The following PAPOLG variants were observed in gnomAD, a reference collection of about 807,000 sequenced individuals.
PAPOLG encodes poly(A) polymerase gamma.
A neutral mutation model predicts 99.0 loss-of-function variants in PAPOLG; 40 were observed. The ratio of observed to expected loss-of-function variants is 0.40; its 90% CI spans 0.31 to 0.53. The LOEUF (loss-of-function observed/expected upper bound fraction) is 0.53. PAPOLG is among the 20% of genes least tolerant of loss of function. The pLI is 0.41. For synonymous variants in PAPOLG, 310 were observed against 299.3 expected, an observed-to-expected ratio of 1.04 and a Z score of -0.37; for missense variants, 675 against 884.1, an observed-to-expected ratio of 0.76 and a Z score of 3.00.
At chr2:60,777,779 C>T (rs945127088) in intron 8 of PAPOLG, among the ~76,000 whole-genome samples, 3 of 151,958 alleles carry the variant, frequency 2.0e-5, no homozygotes, top group African/African-American at 7.3e-5. Context: ...AGTAGGGAGA[C>T]CTGAGGAGAG....
chr2:60,769,243 CAAT>C (rs1670775508), intron 5 of PAPOLG, among the ~76,000 whole-genome samples: 1 of 152,114 alleles, frequency 6.6e-6, no homozygotes, highest in African/African-American at 2.4e-5. Flanking sequence ...TAGTAGCCAA[CAAT>C]GATTGATACA....
At chr2:60,781,608 A>G (rs914080498) in intron 10 of PAPOLG, among the ~76,000 whole-genome samples, 1 of 152,192 alleles carries the variant, frequency 6.6e-6, no homozygotes, top group Non-Finnish European at 1.5e-5. Context: ...ATAATACTGT[A>G]TTTCCTTGAT....
chr2:60,777,312 C>T (rs1020583231), intron 8 of PAPOLG, among the ~76,000 whole-genome samples: 12 of 152,024 alleles, frequency 7.9e-5, no homozygotes, highest in Middle Eastern at 3.2e-3. Flanking sequence ...AAAAATTAGC[C>T]GAGTGTGGTG....
At chr2:60,793,897 A>T (rs1671616795) in intron 18 of PAPOLG, 74 bp from the exon 19 acceptor site, 1 of 1,485,984 alleles carries the variant, frequency 6.7e-7, no homozygotes, top group Non-Finnish European at 9.2e-7. Flanking sequence ...GGTGATGGGA[A>T]TGAGAGACCC....
chr2:60,793,926 A>G (rs1671617793), intron 18 of PAPOLG, 45 bp from the exon 19 acceptor site: 3 of 1,570,290 alleles, frequency 1.9e-6, no homozygotes, highest in East Asian at 4.5e-5. Flanking sequence ...GGAAAAAAAA[A>G]TTACATAAAT....
At chr2:60,761,550 C>G (rs1475664733) in intron 2 of PAPOLG, among the ~76,000 whole-genome samples, 191 bp from the exon 3 acceptor site, 1 of 152,122 alleles carries the variant, frequency 6.6e-6, no homozygotes, top group African/African-American at 2.4e-5. Context: ...GATTTATCAC[C>G]TCTTTGGCAC....
At chr2:60,786,398 T>G (rs1213736677) in intron 13 of PAPOLG, among the ~76,000 whole-genome samples, 2 of 151,764 alleles carry the variant, frequency 1.3e-5, no homozygotes, top group African/African-American at 4.8e-5. Flanking sequence ...CGGCCAATTT[T>G]TTTTGTATTT....
intron 8 of PAPOLG, among the ~76,000 whole-genome samples, chr2:60,776,169 T>C (rs1370941277): frequency 2.6e-5 from 4 of 152,164 alleles, no homozygotes; most frequent in African/African-American, 9.7e-5. Flanking sequence ...AATCTCCTAG[T>C]ATGTGTCCAC....
In PAPOLG at chr2:60,762,842, G is replaced by C. The variant is rs193149502; in HGVS notation, c.246+1035G>C. Among the ~76,000 whole-genome samples the C allele has an allele frequency of 3.2e-3, 485 of 152,032 alleles. 3 individuals carry two copies. The highest frequency in any genetic ancestry group is 0.011 in the African/African-American group (467 of 41,442). On this transcript the variant is annotated intron_variant, in intron 3 of 21. Transcript: ENST00000238714. ...TGGTTTCATCATGTTGACCAGGCTGGTCTCGAACTCCTGATCTCAGGTGAT... is the reference window on the plus strand; with the variant it reads ...TGGTTTCATCATGTTGACCAGGCTGCTCTCGAACTCCTGATCTCAGGTGAT...
intron 15 of PAPOLG, among the ~76,000 whole-genome samples, chr2:60,789,855 C>T (rs1270372992): frequency 6.6e-6 from 1 of 152,100 alleles, no homozygotes; most frequent in African/African-American, 2.4e-5. Context: ...TTTGGGAGGC[C>T]AAGGCGGGCA....
At chr2:60,758,111 T>C (rs1434045337) in intron 1 of PAPOLG, among the ~76,000 whole-genome samples, 1 of 152,224 alleles carries the variant, frequency 6.6e-6, no homozygotes, top group Non-Finnish European at 1.5e-5. Context: ...AGTGATACTA[T>C]ATAGATATGT....
At chr2:60,783,421 G>A (rs1443708535) in intron 13 of PAPOLG, among the ~76,000 whole-genome samples, 1 of 136,440 alleles carries the variant, frequency 7.3e-6, no homozygotes, top group African/African-American at 2.8e-5. Context: ...GGCTGATCTC[G>A]AGCTCCTGAC....
At chr2:60,783,500 CTTTTTTTTTTTTTTTT>C (rs761205449) in intron 13 of PAPOLG, among the ~76,000 whole-genome samples, 3 of 45,364 alleles carry the variant, frequency 6.6e-5, no homozygotes, top group African/African-American at 2.6e-4. Context: ...TTTACCCGGC[CTTTTTTTTTTTTTTTT>C]TTTTTTTTTT....
chr2:60,770,494 G>T lies in PAPOLG; in HGVS notation c.475G>T (p.Glu159Ter). ...TGCCTTTGTACCTGTTATAAAATTT[G>T]AATTTGATGGTATTGAAGTAAGTGT... Reference protein sequence around the residue: ...EDAFVPVIKFEFDGIEIDLVF... With the variant: ...EDAFVPVIKF The change falls in exon 6 of 22, where the codon GAA becomes TAA. Residue 159 changes from glutamate to a stop codon, truncating the protein, a stop_gained. Coordinates refer to ENST00000238714, the MANE Select transcript of PAPOLG (RefSeq NM_022894.4). LOFTEE classifies it high-confidence loss of function. 1.3e-6 allele frequency: 2 copies of T among 1,586,488 alleles called. No individual in the cohort carries two copies. Among genetic ancestry groups the T allele is most frequent in the South Asian group, 1.2e-5 (1 of 86,934 alleles).
chr2:60,789,020 C>G (rs898743540), intron 15 of PAPOLG, among the ~76,000 whole-genome samples: 3 of 152,020 alleles, frequency 2.0e-5, no homozygotes, highest in African/African-American at 7.3e-5. Context: ...AGTTCATGTC[C>G]TTCGTAGGGA....
At position 60,793,954 on chromosome 2, in the gene PAPOLG, C is replaced by G; in HGVS notation, c.1769-17C>G. ...ACATAAATGTTTAATTATTAAAATCCTTTTTTTCCTTTTCAGAAGTTGACT... is the reference window on the plus strand; with the variant it reads ...ACATAAATGTTTAATTATTAAAATCGTTTTTTTCCTTTTCAGAAGTTGACT... On this transcript the variant is annotated splice_polypyrimidine_tract_variant and intron_variant, in intron 18 of 21. Transcript: ENST00000238714. The G allele has an allele frequency of 6.3e-7, 1 of 1,593,026 alleles. No individual in the cohort carries two copies. The highest frequency in any genetic ancestry group is 8.6e-7 in the Non-Finnish European group (1 of 1,167,976).
At position 60,761,810 on chromosome 2, in the gene PAPOLG, A is replaced by G; in HGVS notation, c.246+3A>G. 1 of 1,561,200 alleles carries G rather than the reference A, an allele frequency of 6.4e-7. No homozygotes were observed. Among genetic ancestry groups the G allele is most frequent in the Non-Finnish European group, 8.8e-7 (1 of 1,133,152 alleles). On this transcript the variant is annotated splice_donor_region_variant and intron_variant, in intron 3 of 21. Coordinates refer to ENST00000238714, the MANE Select transcript of PAPOLG (RefSeq NM_022894.4). The stretch of plus-strand genomic sequence containing the variant: ...TTTCTGATGTCAGCGAGAGTAAGGT[A>G]AGACTCTAAACTATGTGGAATTCTT...
rs115122281 is a variant in PAPOLG at position 60,798,550 on chromosome 2, C to G, written c.*1390C>G. 6.6e-6 allele frequency: 1 copy of G among 152,436 alleles called. No individual in the cohort carries two copies. Among genetic ancestry groups the G allele is most frequent in the Non-Finnish European group, 1.5e-5 (1 of 68,042 alleles). The allele number at this position is 152,436 out of a possible 1,614,324, so 9.4% of individuals were successfully genotyped here. On this transcript the variant is annotated 3_prime_UTR_variant, in exon 22 of 22. Transcript: ENST00000238714. ...TTAAAATGAAAATGTATAGATTACA[C>G]AGCCAGGAATGCTAGTATCTACCAC...
chr2:60,756,924 A>G (rs907946507), intron 1 of PAPOLG, among the ~76,000 whole-genome samples: 6 of 151,546 alleles, frequency 4.0e-5, no homozygotes, highest in African/African-American at 1.5e-4. Flanking sequence ...TGAAAGACCT[A>G]TCGCAGCCCA....
Sources: allele counts gnomAD v4.1 joint callset (sites outside exome capture counted in the v4.1 genomes callset), GRCh38; gene constraint gnomAD v4.1.1; transcripts MANE v1.5; gene names NCBI Gene and HGNC (gene_info 2026-07-23, HGNC 2026-07-21).